COX4I2: variants seen among roughly 807,000 people sequenced by gnomAD.
COX4I2 encodes the protein cytochrome c oxidase subunit 4 isoform 2, mitochondrial.
In COX4I2, 15 loss-of-function variants were observed where a neutral mutation model predicts 20.8. The ratio of observed to expected loss-of-function variants is 0.72; its 90% CI spans 0.48 to 1.11. The LOEUF (loss-of-function observed/expected upper bound fraction) is 1.11. Ranked by LOEUF, COX4I2 falls within the 50% of genes most tolerant of loss-of-function variation. COX4I2 has a pLI of 0.00. For missense variants in COX4I2, 224 were observed against 223.0 expected, an observed-to-expected ratio of 1.00 and a Z score of -0.03; for synonymous variants, 80 against 78.1, an observed-to-expected ratio of 1.02 and a Z score of -0.13.
In COX4I2 at chr20:31,643,509, T is replaced by A; in HGVS notation, c.353T>A (p.Leu118Gln). ...CVFFFIGFAA[L>Q]VIWWQRVYVF... ...TTCTTCTTCATTGGATTCGCAGCTC[T>A]GGTGATTTGGTGGCAGCGGGTCTAC... is the stretch of plus-strand genomic sequence containing the variant. The change falls in exon 4 of 5, where the codon CTG becomes CAG. Residue 118 changes from leucine (L) to glutamine (Q), a missense_variant. Physicochemically the swap from Leu to Gln is moderately radical, Grantham distance 113. Transcript: ENST00000376075. 6.2e-7 allele frequency: 1 copy of A among 1,614,158 alleles called. No individual in the cohort carries two copies. The highest frequency in any genetic ancestry group is 2.2e-5 in the East Asian group (1 of 44,882).
At chr20:31,644,395 G>A (rs879560193) in intron 4 of COX4I2, among the ~76,000 whole-genome samples, 3 of 152,112 alleles carry the variant, frequency 2.0e-5, no homozygotes, top group African/African-American at 4.8e-5. Context: ...GTTGAAGGTC[G>A]CAGGGCAAGG....
At chr20:31,643,209 C>T (rs1479879274) in intron 3 of COX4I2, among the ~76,000 whole-genome samples, 195 bp from the exon 4 acceptor site, 1 of 152,238 alleles carries the variant, frequency 6.6e-6, no homozygotes, top group Non-Finnish European at 1.5e-5. Flanking sequence ...TTGTCTCCCC[C>T]TCTAAACTCC....
At chr20:31,641,727 C>T (rs1412922053) in intron 3 of COX4I2, among the ~76,000 whole-genome samples, 1 of 151,952 alleles carries the variant, frequency 6.6e-6, no homozygotes, top group African/African-American at 2.4e-5. Context: ...TTCTTTGAGA[C>T]AGGGTCTCTG....
Position 31,638,658 on chromosome 20 carries a change from G to A in COX4I2, c.1-360G>A, listed in dbSNP as rs536794053. On this transcript the variant is annotated intron_variant, in intron 1 of 4. Coordinates refer to ENST00000376075, the MANE Select transcript of COX4I2 (RefSeq NM_032609.3). ...CTGGACCCCACCCAGCTTCCTCTGG[G>A]GAGCAAACAAGTGAGCGGGGTTCTC... is the stretch of plus-strand genomic sequence containing the variant. Among the ~76,000 whole-genome samples the A allele has an allele frequency of 1.5e-3, 221 of 152,146 alleles. 1 individual carries two copies. Among genetic ancestry groups the A allele is most frequent in the Non-Finnish European group, 3.0e-3 (205 of 67,978 alleles).
rs2060486418 is a variant in COX4I2, at chr20:31,644,773, C to T, written c.385C>T (p.Pro129Ser). ...VIWWQRVYVF[P>S]PKPITLTDER... Reference sequence around the variant, plus strand: ...ACCCCATGTACTCCCTGCAGTATTTCCTCCAAAGCCGATCACCTTGACGGA... The same window carrying T: ...ACCCCATGTACTCCCTGCAGTATTTTCTCCAAAGCCGATCACCTTGACGGA... The change falls in exon 5 of 5, where the codon CCT becomes TCT. Residue 129 changes from proline (P) to serine (S), a missense_variant. By Grantham distance (74) the Pro-to-Ser change is moderately conservative. Transcript: ENST00000376075. 2 of 1,613,894 alleles carry T rather than the reference C, an allele frequency of 1.2e-6. No individual in the cohort carries two copies. The highest frequency in any genetic ancestry group is 1.7e-6 in the Non-Finnish European group (2 of 1,179,984).
In COX4I2 at chr20:31,643,534, C is replaced by T. The variant is rs772547609; in HGVS notation, c.378C>T (p.Tyr126=). 16 of 1,613,936 alleles carry T rather than the reference C, an allele frequency of 9.9e-6. No homozygotes were observed. Among genetic ancestry groups the T allele is most frequent in the Non-Finnish European group, 1.4e-5 (16 of 1,179,968 alleles). The change falls in exon 4 of 5, where the codon TAC becomes TAT. Residue 126 remains tyrosine (Y), a splice_region_variant and synonymous_variant. Transcript: ENST00000376075. ...AALVIWWQRV[Y]VFPPKPITLT... ...TGGTGATTTGGTGGCAGCGGGTCTA[C>T]GGTGAGTGGCAACACCTCATCTGGC... is the stretch of plus-strand genomic sequence containing the variant.
chr20:31,641,721 T>C (rs987652445), intron 3 of COX4I2, among the ~76,000 whole-genome samples: 1 of 152,110 alleles, frequency 6.6e-6, no homozygotes, highest in African/African-American at 2.4e-5. Flanking sequence ...TTCCTTTTCT[T>C]TGAGACAGGG....
At position 31,640,002 on chromosome 20, in the gene COX4I2, A is replaced by T. The variant is rs765605422; in HGVS notation, c.152A>T (p.Glu51Val). 1 of 1,614,074 alleles carries T rather than the reference A, an allele frequency of 6.2e-7. No homozygotes were observed. Among genetic ancestry groups the T allele is most frequent in the South Asian group, 1.1e-5 (1 of 91,078 alleles). The change falls in exon 3 of 5, where the codon GAG becomes GTG. Residue 51 changes from glutamate (E) to valine (V), a missense_variant. Coordinates refer to ENST00000376075, the MANE Select transcript of COX4I2 (RefSeq NM_032609.3). ...YAQRYYPMPE[E>V]PFCTELNAEE... is the part of the protein sequence containing the mutation. ...CAGCGCTACTACCCCATGCCAGAAG[A>T]GCCCTTCTGCACAGAACTCAACGCT...
Position 31,643,423 on chromosome 20 carries a change from T to C in COX4I2, c.267T>C (p.Asn89=), listed in dbSNP as rs148439135. 9.3e-6 allele frequency: 15 copies of C among 1,611,928 alleles called. No homozygotes were observed. The highest frequency in any genetic ancestry group is 1.3e-5 in the African/African-American group (1 of 74,886). Residue 89 remains asparagine, a synonymous_variant, in exon 4 of 5, where the codon AAT becomes AAC. Coordinates refer to ENST00000376075, the MANE Select transcript of COX4I2 (RefSeq NM_032609.3). ...CTCCAGTGTACCGGCTCCAGTTCAA[T>C]GAGACCTTTGCGGAGATGAACCGTC... ...EKVALYRLQF[N]ETFAEMNRRS... is the part of the protein sequence containing the mutation.
intron 3 of COX4I2, 151 bp from the exon 4 acceptor site, chr20:31,643,253 T>C (rs1416675881): frequency 1.1e-5 from 10 of 914,864 alleles, no homozygotes; most frequent in East Asian, 2.5e-5. Context: ...GCTCATTCAC[T>C]GCTGTCACCT....
intron 1 of COX4I2, among the ~76,000 whole-genome samples, chr20:31,638,565 T>C (rs1234818555): frequency 1.3e-5 from 2 of 152,100 alleles, no homozygotes; most frequent in African/African-American, 4.8e-5. Flanking sequence ...ACCGTCTGTC[T>C]GTTCTGCCGG....
intron 2 of COX4I2, among the ~76,000 whole-genome samples, chr20:31,639,595 G>A (rs1273690114): frequency 3.6e-5 from 5 of 139,296 alleles, no homozygotes; most frequent in South Asian, 2.1e-4. Flanking sequence ...TTGCTCTGTC[G>A]CTCAGGCTAG....
In COX4I2 at chr20:31,643,531, CT is replaced by C; in HGVS notation, c.376del (p.Tyr126ThrfsTer10). ...CTCTGGTGATTTGGTGGCAGCGGGT[CT>C]ACGGTGAGTGGCAACACCTCATCTG... Reference protein sequence around the residue: ...AALVIWWQRVYVFPPKPITLT... With the variant: ...AALVIWWQRVXVFPPKPITLT... On this transcript the variant is annotated frameshift_variant, in exon 4 of 5. Transcript: ENST00000376075. LOFTEE classifies it high-confidence loss of function. 1 of 1,614,110 alleles carries C rather than the reference CT, an allele frequency of 6.2e-7. No homozygotes were observed. The highest frequency in any genetic ancestry group is 1.1e-5 in the South Asian group (1 of 91,062).
At chr20:31,641,049 G>A (rs1162498219) in intron 3 of COX4I2, among the ~76,000 whole-genome samples, 2 of 151,688 alleles carry the variant, frequency 1.3e-5, no homozygotes, top group African/African-American at 4.8e-5. Flanking sequence ...GGGGAGAGGG[G>A]AGGAATAGCA....
At chr20:31,642,111 C>T (rs2060471431) in intron 3 of COX4I2, among the ~76,000 whole-genome samples, 1 of 152,056 alleles carries the variant, frequency 6.6e-6, no homozygotes, top group African/African-American at 2.4e-5. Flanking sequence ...CCTCGGCCTC[C>T]CAAAGCACTG....
intron 2 of COX4I2, 108 bp downstream of exon 2, chr20:31,639,207 C>T: frequency 6.5e-7 from 1 of 1,539,104 alleles, no homozygotes. Flanking sequence ...CCTGTTCCTA[C>T]CACACTTCCC....
intron 3 of COX4I2, 28 bp from the exon 4 acceptor site, chr20:31,643,376 C>G: frequency 6.2e-7 from 1 of 1,613,542 alleles, no homozygotes; most frequent in Non-Finnish European, 8.5e-7. Flanking sequence ...GCACCTGAGG[C>G]CCCTTCCCCA....
intron 1 of COX4I2, among the ~76,000 whole-genome samples, chr20:31,638,533 G>C (rs932352689): frequency 6.6e-6 from 1 of 151,646 alleles, no homozygotes; most frequent in African/African-American, 2.4e-5. Context: ...CAGCCAATTA[G>C]GGGGGAAGGG....
intron 2 of COX4I2, chr20:31,639,361 T>G: frequency 3.5e-6 from 3 of 856,334 alleles, no homozygotes; most frequent in Non-Finnish European, 4.2e-6. Context: ...CCTTTTGTTC[T>G]GAGGTGGAGG....
Sources: gnomAD v4.1 joint callset for allele counts (sites outside exome capture counted in the v4.1 genomes callset) on GRCh38, gnomAD v4.1.1 for gene constraint, MANE v1.5 for transcripts, NCBI Gene and HGNC (gene_info 2026-07-23, HGNC 2026-07-21) for gene names.